PLK2: variants seen among roughly 807,000 people sequenced by gnomAD.
PLK2 encodes the protein serine/threonine-protein kinase PLK2.
In PLK2, 25 loss-of-function variants were observed where a neutral mutation model predicts 78.1. That is an observed-to-expected ratio of 0.32 (90% CI 0.23 to 0.45). PLK2 has a LOEUF of 0.45. Among genes scored for constraint, PLK2 ranks in the 20% least tolerant of loss-of-function variants. The probability of loss-of-function intolerance (pLI) is 1.00; values close to 1 mark genes in which losing one functional copy is unlikely to be tolerated. For missense variants in PLK2, 566 were observed against 840.2 expected (o/e 0.67, Z 4.04); for synonymous variants, 332 against 298.2 (o/e 1.11, Z -1.17).
chr5:58,456,220 A>G, intron 9 of PLK2, 65 bp from the exon 10 acceptor site: 1 of 1,491,664 alleles, frequency 6.7e-7, no homozygotes, highest in East Asian at 2.3e-5. Flanking sequence ...TGAGAATTCC[A>G]GATTAAGATG....
intron 1 of PLK2, 185 bp from the exon 2 acceptor site, chr5:58,459,277 G>A (rs1295320599): frequency 3.3e-6 from 2 of 597,728 alleles, no homozygotes; most frequent in African/African-American, 1.9e-5. Context: ...ATGCATTGCT[G>A]GAAACAGCAA....
chr5:58,459,785 G>A lies in PLK2; in HGVS notation c.175C>T (p.His59Tyr), dbSNP rs1743708013. The change falls in exon 1 of 14, where the codon CAT becomes TAT. Residue 59 changes from histidine (H) to tyrosine (Y), a missense_variant. Around this residue, in one of 5 missense-constraint regions of PLK2, gnomAD observed 127 missense variants for 122.5 expected, o/e 1.04. Coordinates refer to ENST00000274289, the MANE Select transcript of PLK2 (RefSeq NM_006622.4). ...AQVPPAAPHH[H>Y]HHHSHSGPEI... is the part of the protein sequence containing the mutation. The stretch of plus-strand genomic sequence containing the variant: ...GGCCCCGAGTGCGAATGGTGGTGAT[G>A]GTGGTGAGGGGCCGCCGGGGGCACT... 4 of 1,608,120 alleles carry A rather than the reference G, an allele frequency of 2.5e-6. No homozygotes were observed. The African/African-American group carries it at 5.3e-5, about 21-fold the overall frequency.
intron 7 of PLK2, 23 bp from the exon 8 acceptor site, chr5:58,457,115 T>G (rs749397725): frequency 1.9e-6 from 3 of 1,610,972 alleles, no homozygotes; most frequent in Non-Finnish European, 2.5e-6. Flanking sequence ...AGAAAAAGCC[T>G]TCAGTAACCT....
rs574231689 is a variant in PLK2 at position 58,454,108 on chromosome 5, C to T, written c.*475G>A. On this transcript the variant is annotated 3_prime_UTR_variant, in exon 14 of 14. Coordinates refer to ENST00000274289, the MANE Select transcript of PLK2 (RefSeq NM_006622.4). ...AAAAAGTTTATTAACAAGGAATGCA[C>T]TTTTCCAGCCACAAGTATCTTCAAA... 1.5e-4 allele frequency: 23 copies of T among 153,070 alleles called. No homozygotes were observed. Among genetic ancestry groups the T allele is most frequent in the African/African-American group, 5.5e-4 (23 of 41,554 alleles). The allele number at this position is 153,070 out of a possible 1,614,324, so 9.5% of individuals were successfully genotyped here. A position where few individuals can be genotyped will look rare whatever the true frequency, so the allele number is the denominator to read the frequency against.
Position 58,459,039 on chromosome 5 carries a change from G to A in PLK2, c.324C>T (p.Tyr108=), listed in dbSNP as rs1438972745. 1.9e-6 allele frequency: 3 copies of A among 1,612,678 alleles called. No individual in the cohort carries two copies. Among genetic ancestry groups the A allele is most frequent in the East Asian group, 2.2e-5 (1 of 44,868 alleles). ...TGCTGTGAGGAATAATTTTTGCGGC[G>A]TAGACTTTGTTATTTGTCAAATCTG... ...EMTDLTNNKV[Y]AAKIIPHSRV... is the part of the protein sequence containing the mutation. The change falls in exon 2 of 14, where the codon TAC becomes TAT. Residue 108 remains tyrosine (Y), a synonymous_variant. Transcript: ENST00000274289.
rs1471610696 is a variant in PLK2, at chr5:58,455,292, A to G, written c.1748T>C (p.Leu583Pro). The change falls in exon 12 of 14, where the codon CTC becomes CCC. Residue 583 changes from leucine (L) to proline (P), a missense_variant. Around this residue, in one of 5 missense-constraint regions of PLK2, gnomAD observed 130 missense variants for 196.4 expected, o/e 0.66. Transcript: ENST00000274289. ...TAAAGCCACAGTACTTACATCCATG[A>G]GGTTCTCCTCCATGTAATGAGAAAA... The part of the protein sequence containing the change: ...KYFSHYMEEN[L>P]MDGGDLPSVT... The G allele has an allele frequency of 6.2e-7, 1 of 1,613,992 alleles. No homozygotes were observed. Among genetic ancestry groups the G allele is most frequent in the Non-Finnish European group, 8.5e-7 (1 of 1,179,914 alleles).
In PLK2 at chr5:58,459,225, A is replaced by C. The variant is rs569370620; in HGVS notation, c.271-133T>G. 1.2e-4 allele frequency: 78 copies of C among 628,936 alleles called. No homozygotes were observed. In the Middle Eastern group the frequency reaches 2.8e-3, roughly 23 times the overall value. 39.0% of individuals were successfully genotyped at this position (628,936 alleles called of 1,614,324 possible). A position where few individuals can be genotyped will look rare whatever the true frequency, so the allele number is the denominator to read the frequency against. ...TTGAGGAATGGAGGAGGGTGGACAG[A>C]GGGAGGCATTCGACTTCGTTAAAGC... On this transcript the variant is annotated intron_variant, in intron 1 of 13. Coordinates refer to ENST00000274289, the MANE Select transcript of PLK2 (RefSeq NM_006622.4).
chr5:58,457,022 G>A lies in PLK2; in HGVS notation c.1079C>T (p.Ala360Val), dbSNP rs1368500364. 1 of 1,613,210 alleles carries A rather than the reference G, an allele frequency of 6.2e-7. No individual in the cohort carries two copies. Among genetic ancestry groups the A allele is most frequent in the South Asian group, 1.1e-5 (1 of 91,010 alleles). ...AGCTGCTTTCTTAAAGAAATTCTTA[G>A]CTGGGCTTGATAAGTGGAAATCTGG... ...TVPDFHLSSP[A>V]KNFFKKAAAA... Residue 360 changes from alanine to valine, a missense_variant, in exon 8 of 14, where the codon GCT becomes GTT. Ala to Val is a moderately conservative substitution (Grantham distance 64, BLOSUM62 0). Transcript: ENST00000274289.
Position 58,458,909 on chromosome 5 carries a change from G to A in PLK2, c.379-68C>T. 3.1e-6 allele frequency: 4 copies of A among 1,297,756 alleles called. No individual in the cohort carries two copies. The Admixed American group carries it at 6.7e-5, about 22-fold the overall frequency. 80.4% of individuals were successfully genotyped at this position (1,297,756 alleles called of 1,614,324 possible). On this transcript the variant is annotated intron_variant, in intron 2 of 13. Coordinates refer to ENST00000274289, the MANE Select transcript of PLK2 (RefSeq NM_006622.4). ...CTCGGAAAAGCCAGTGATTACACAT[G>A]CAGAAGACATTTTCCTAACAGGGAA...
chr5:58,455,149 C>A, intron 12 of PLK2, 128 bp from the exon 13 acceptor site: 1 of 1,195,238 alleles, frequency 8.4e-7, no homozygotes, highest in Non-Finnish European at 1.2e-6. Context: ...CCTGCCTCCA[C>A]CTCCCGGAGA....
chr5:58,455,180 G>A (rs1351952674), intron 12 of PLK2, 105 bp downstream of exon 12: 27 of 1,352,490 alleles, frequency 2.0e-5, no homozygotes, highest in Middle Eastern at 2.0e-4. Context: ...GTACACCAAC[G>A]GTAGGTCAGG....
intron 6 of PLK2, 36 bp downstream of exon 6, chr5:58,457,452 A>T (rs1743640438): frequency 6.3e-7 from 1 of 1,585,758 alleles, no homozygotes; most frequent in African/African-American, 1.3e-5. Context: ...TCTAAATCCG[A>T]ATTTGCTTTT....
In PLK2 at chr5:58,459,593, G is replaced by T; in HGVS notation, c.270+97C>A. The T allele has an allele frequency of 2.7e-6, 3 of 1,116,948 alleles. No homozygotes were observed. In the South Asian group the frequency reaches 4.9e-5, roughly 18 times the overall value. 69.2% of individuals were successfully genotyped at this position (1,116,948 alleles called of 1,614,324 possible). A position where few individuals can be genotyped will look rare whatever the true frequency, so the allele number is the denominator to read the frequency against. Reference sequence around the variant, plus strand: ...TGGGATCGGACCCCCGAAAAACCCGGAAGCGGCGGGCGAGGGACCCCGCGG... The same window carrying T: ...TGGGATCGGACCCCCGAAAAACCCGTAAGCGGCGGGCGAGGGACCCCGCGG... On this transcript the variant is annotated intron_variant, in intron 1 of 13. Coordinates refer to ENST00000274289, the MANE Select transcript of PLK2 (RefSeq NM_006622.4).
Position 58,457,012 on chromosome 5 carries a change from G to C in PLK2, c.1089C>G (p.Phe363Leu). ...DFHLSSPAKN[F>L]FKKAAAALFG... ...AAAGAGCAGCAGCTGCTTTCTTAAA[G>C]AAATTCTTAGCTGGGCTTGATAAGT... Residue 363 changes from phenylalanine (F) to leucine (L), a missense_variant, in exon 8 of 14, where the codon TTC becomes TTG. By Grantham distance (22) the Phe-to-Leu change is conservative. Transcript: ENST00000274289. 6.2e-7 allele frequency: 1 copy of C among 1,613,380 alleles called. No homozygotes were observed. The highest frequency in any genetic ancestry group is 8.5e-7 in the Non-Finnish European group (1 of 1,179,426).
chr5:58,455,381 G>A lies in PLK2; in HGVS notation c.1659C>T (p.Cys553=). 1 of 1,614,070 alleles carries A rather than the reference G, an allele frequency of 6.2e-7. No individual in the cohort carries two copies. The highest frequency in any genetic ancestry group is 8.5e-7 in the Non-Finnish European group (1 of 1,179,950). The change falls in exon 12 of 14, where the codon TGC becomes TGT. Residue 553 remains cysteine (C), a synonymous_variant. Transcript: ENST00000274289. ...GAGCATCTGTTGCTGGGAAAACTGA[G>A]CATTGGCCAAGCTCTGCGTAATAGT... The part of the protein sequence containing the change: ...TVHYYAELGQ[C]SVFPATDAPE...
At chr5:58,459,636 T>TCGCCCGGACAGACCTCCCGCC in intron 1 of PLK2, 54 bp downstream of exon 1, 1 of 1,430,782 alleles carries the variant, frequency 7.0e-7, no homozygotes, top group Middle Eastern at 2.6e-4. Flanking sequence ...CGGCTTGGGG[T>TCGCCCGGACAGACCTCCCGCC]CGCCCGGACA....
At position 58,454,542 on chromosome 5, in the gene PLK2, G is replaced by A. The variant is rs144081380; in HGVS notation, c.*41C>T. ...TTTTGGCTTCCCTGTAGATCTCACA[G>A]TGGAAAAGAGGAGTCCCATAGGGTC... is the stretch of plus-strand genomic sequence containing the variant. On this transcript the variant is annotated 3_prime_UTR_variant, in exon 14 of 14. Transcript: ENST00000274289. The A allele has an allele frequency of 7.9e-5, 106 of 1,340,486 alleles. No individual in the cohort carries two copies. The African/African-American group carries it at 1.5e-3, about 19-fold the overall frequency. 83.0% of individuals were successfully genotyped at this position (1,340,486 alleles called of 1,614,324 possible). A position where few individuals can be genotyped will look rare whatever the true frequency, so the allele number is the denominator to read the frequency against.
Position 58,459,852 on chromosome 5 carries a change from C to T in PLK2, c.108G>A (p.Pro36=). 1 of 1,610,122 alleles carries T rather than the reference C, an allele frequency of 6.2e-7. No individual in the cohort carries two copies. The highest frequency in any genetic ancestry group is 8.5e-7 in the Non-Finnish European group (1 of 1,179,616). Residue 36 remains proline, a synonymous_variant, in exon 1 of 14, where the codon CCG becomes CCA. Coordinates refer to ENST00000274289, the MANE Select transcript of PLK2 (RefSeq NM_006622.4). ...GTGGCTGCGATTCCTCGGGGGGCTG[C>T]GGCGGCCGCTTCTTCTTCGAGTCCG... ...CGADSKKKRP[P]QPPEESQPPQ... is the part of the protein sequence containing the mutation.
Position 58,455,529 on chromosome 5 carries a change from A to T in PLK2, c.1625+10T>A. 1.9e-6 allele frequency: 3 copies of T among 1,614,000 alleles called. No homozygotes were observed. Among genetic ancestry groups the T allele is most frequent in the Non-Finnish European group, 2.5e-6 (3 of 1,179,898 alleles). On this transcript the variant is annotated intron_variant, in intron 11 of 13. Transcript: ENST00000274289. Reference sequence around the variant, plus strand: ...AGAACTGACAGGATTTCATTAATTGATACACTTACTTTTTGTCTGGAAGGA... The same window carrying T: ...AGAACTGACAGGATTTCATTAATTGTTACACTTACTTTTTGTCTGGAAGGA...
Sources: allele counts gnomAD v4.1 joint callset, GRCh38; gene constraint gnomAD v4.1.1; regional missense constraint gnomAD v4.1.1; transcripts MANE v1.5; gene names NCBI Gene and HGNC (gene_info 2026-07-23, HGNC 2026-07-21).